ZHX3: variants seen among roughly 807,000 people sequenced by gnomAD.
ZHX3 encodes the protein zinc fingers and homeoboxes 3.
Under a neutral mutation model 64.5 loss-of-function variants are expected in ZHX3, and 20 were observed. The observed-to-expected ratio is 0.31, with a 90% confidence interval of 0.22 to 0.45. The LOEUF is 0.45. Ranked by LOEUF, ZHX3 falls within the 20% of genes least tolerant of loss-of-function variation. The pLI, the probability that ZHX3 is intolerant of heterozygous loss-of-function variation, is 1.00. For missense variants in ZHX3, 1,041 were observed against 1,195.8 expected (o/e 0.87, Z 1.91); for synonymous variants, 423 against 461.6 (o/e 0.92, Z 1.07).
chr20:41,303,067 GAC>G (rs1164770838), intron 1 of ZHX3, among the ~76,000 whole-genome samples: 1 of 152,198 alleles, frequency 6.6e-6, no homozygotes, highest in East Asian at 1.9e-4. Flanking sequence ...TTTCTCATTT[GAC>G]ACACTTTCAT....
rs1568774688 is a variant in ZHX3 at position 41,184,590 on chromosome 20, C to T, written c.*601G>A. 1.3e-5 allele frequency: 4 copies of T among 310,270 alleles called. No homozygotes were observed. The highest frequency in any genetic ancestry group is 4.2e-5 in the South Asian group (1 of 23,574). The allele number at this position is 310,270 out of a possible 1,614,324, so 19.2% of individuals were successfully genotyped here. On this transcript the variant is annotated 3_prime_UTR_variant, in exon 4 of 4. Transcript: ENST00000683867. ...AAGCAAGCCTGACATGAAACGTAGC[C>T]GGTCATCACTTAATGCAGCAGAGAT... is the stretch of plus-strand genomic sequence containing the variant.
At chr20:41,225,475 C>A (rs1467574062) in intron 2 of ZHX3, among the ~76,000 whole-genome samples, 1 of 152,164 alleles carries the variant, frequency 6.6e-6, no homozygotes, top group Non-Finnish European at 1.5e-5. Flanking sequence ...ACATAAAATT[C>A]ATTGTCTTAA....
rs2040259654 is a variant in ZHX3, at chr20:41,226,220, AC to A, written c.-150-21155del. ...AAACCATTTTGGCTAACATGGTGAAACCCCATCTCTACTAAAAATACAAAAA... is the reference window on the plus strand; with the variant it reads ...AAACCATTTTGGCTAACATGGTGAAACCCATCTCTACTAAAAATACAAAAA... On this transcript the variant is annotated intron_variant, in intron 2 of 3. Coordinates refer to ENST00000683867, the MANE Select transcript of ZHX3 (RefSeq NM_001384317.1). The surrounding 1 kb of genome is among the most constrained non-coding windows in gnomAD (Gnocchi z 4.4). 6.6e-6 allele frequency among the ~76,000 whole-genome samples: 1 copy of A among 151,950 alleles called. No homozygotes were observed. Among genetic ancestry groups the A allele is most frequent in the Admixed American group, 6.6e-5 (1 of 15,266 alleles).
chr20:41,185,237 G>A lies in ZHX3; in HGVS notation c.2861-36C>T. ...AACACATGCCTGTCACTCTACGGCAGCTGCCACCACCTGCCCCCCAGGCAG... is the reference window on the plus strand; with the variant it reads ...AACACATGCCTGTCACTCTACGGCAACTGCCACCACCTGCCCCCCAGGCAG... On this transcript the variant is annotated intron_variant, in intron 3 of 3. Coordinates refer to ENST00000683867, the MANE Select transcript of ZHX3 (RefSeq NM_001384317.1). The surrounding 1 kb of genome is among the most constrained non-coding windows in gnomAD (Gnocchi z 5.0). 2 of 1,575,636 alleles carry A rather than the reference G, an allele frequency of 1.3e-6. No individual in the cohort carries two copies. The highest frequency in any genetic ancestry group is 1.7e-6 in the Non-Finnish European group (2 of 1,157,936).
At chr20:41,196,462 A>AT (rs1326281604) in intron 3 of ZHX3, among the ~76,000 whole-genome samples, 1 of 59,458 alleles carries the variant, frequency 1.7e-5, no homozygotes, top group African/African-American at 7.6e-5. Context: ...ATATATTTAT[A>AT]TATAATATAT....
chr20:41,239,946 T>C (rs889983178), intron 2 of ZHX3, among the ~76,000 whole-genome samples: 1 of 151,734 alleles, frequency 6.6e-6, no homozygotes, highest in African/African-American at 2.4e-5. Context: ...TAAGAGAAAA[T>C]AGGTAAAGCA....
chr20:41,307,177 C>T (rs2045004890), intron 1 of ZHX3, among the ~76,000 whole-genome samples: 1 of 152,186 alleles, frequency 6.6e-6, no homozygotes, highest in African/African-American at 2.4e-5. Context: ...TCTGTAAAAC[C>T]ATCTGTGCTT....
intron 2 of ZHX3, among the ~76,000 whole-genome samples, chr20:41,249,711 C>T (rs2041893392): frequency 6.6e-6 from 1 of 152,196 alleles, no homozygotes; most frequent in South Asian, 2.1e-4. Context: ...ACCGTTCAGA[C>T]AAGATGGTCT....
At chr20:41,190,973 C>CT (rs1374481325) in intron 3 of ZHX3, among the ~76,000 whole-genome samples, 3 of 152,268 alleles carry the variant, frequency 2.0e-5, no homozygotes. Context: ...AATTATCTGA[C>CT]TTTAGAGAGT....
chr20:41,190,956 T>A (rs991629470), intron 3 of ZHX3, among the ~76,000 whole-genome samples: 5 of 152,198 alleles, frequency 3.3e-5, no homozygotes, highest in African/African-American at 1.2e-4. Flanking sequence ...TCTCTTGCTG[T>A]CCTTAGAATT....
rs80093937 is a variant in ZHX3 at position 41,279,857 on chromosome 20, G to C, written c.-244-10774C>G. Among the ~76,000 whole-genome samples, 60 of 152,248 alleles carry C rather than the reference G, an allele frequency of 3.9e-4. 2 individuals carry two copies. The East Asian group carries it at 4.0e-3, about 10-fold the overall frequency. On this transcript the variant is annotated intron_variant, in intron 1 of 3. Coordinates refer to ENST00000683867, the MANE Select transcript of ZHX3 (RefSeq NM_001384317.1). ...TGTGAATATAACCATAGAACCCTAGGGGGGAACAAACTCAAATTCAGAGAT... is the reference window on the plus strand; with the variant it reads ...TGTGAATATAACCATAGAACCCTAGCGGGGAACAAACTCAAATTCAGAGAT...
chr20:41,316,628 A>C (rs2045294763), intron 1 of ZHX3, among the ~76,000 whole-genome samples: 1 of 152,196 alleles, frequency 6.6e-6, no homozygotes, highest in Non-Finnish European at 1.5e-5. Flanking sequence ...AACAGAAAGG[A>C]GCATTCCTTC....
chr20:41,193,738 C>T (rs1206001643), intron 3 of ZHX3, among the ~76,000 whole-genome samples: 4 of 148,268 alleles, frequency 2.7e-5, no homozygotes, highest in South Asian at 4.3e-4. Context: ...GAAGGAGTCT[C>T]GCTCTGTCAC....
chr20:41,270,492 G>A (rs1010073536), intron 1 of ZHX3, among the ~76,000 whole-genome samples: 10 of 151,890 alleles, frequency 6.6e-5, no homozygotes, highest in Admixed American at 2.6e-4. Context: ...TGGCTAACAC[G>A]GTGAAACCCT....
Position 41,201,821 on chromosome 20 carries a change from C to T in ZHX3, c.2860+236G>A, listed in dbSNP as rs997375110. ...CCCCTTTAGGGTCACCATGTTCCTT[C>T]CCCTGCGCAGGTTTTTAAAAACACA... On this transcript the variant is annotated intron_variant, in intron 3 of 3. Coordinates refer to ENST00000683867, the MANE Select transcript of ZHX3 (RefSeq NM_001384317.1). The surrounding 1 kb of genome is among the most constrained non-coding windows in gnomAD (Gnocchi z 5.0). Among the ~76,000 whole-genome samples the T allele has an allele frequency of 2.6e-5, 4 of 152,298 alleles. No homozygotes were observed. The highest frequency in any genetic ancestry group is 3.4e-3 in the Middle Eastern group (1 of 294).
chr20:41,220,472 G>A (rs933834636), intron 2 of ZHX3, among the ~76,000 whole-genome samples: 1 of 152,108 alleles, frequency 6.6e-6, no homozygotes, highest in African/African-American at 2.4e-5. Context: ...CACTTGCACA[G>A]GCACCTTCCA....
intron 1 of ZHX3, among the ~76,000 whole-genome samples, chr20:41,314,577 A>G (rs764909536): frequency 6.6e-5 from 10 of 152,250 alleles, no homozygotes; most frequent in Non-Finnish European, 1.2e-4. Context: ...CTTTTCAAAA[A>G]TATCCAGTGT....
intron 1 of ZHX3, among the ~76,000 whole-genome samples, chr20:41,304,249 CT>C (rs2146819203): frequency 6.6e-6 from 1 of 152,266 alleles, no homozygotes; most frequent in Non-Finnish European, 1.5e-5. Flanking sequence ...ACTATACTTT[CT>C]GTTTGAAATC....
At chr20:41,287,079 T>C (rs1474789910) in intron 1 of ZHX3, among the ~76,000 whole-genome samples, 1 of 152,230 alleles carries the variant, frequency 6.6e-6, no homozygotes, top group Non-Finnish European at 1.5e-5. Context: ...AATAGACTAA[T>C]ACACGTGAAC....
Sources: gnomAD v4.1 joint callset for allele counts (sites outside exome capture counted in the v4.1 genomes callset) on GRCh38, gnomAD v4.1.1 for gene constraint, Gnocchi (gnomAD v3.1) non-coding constraint, MANE v1.5 for transcripts, NCBI Gene and HGNC (gene_info 2026-07-23, HGNC 2026-07-21) for gene names.